FRY: variants seen among roughly 807,000 people sequenced by gnomAD.
The protein encoded by FRY is protein furry homolog.
A neutral mutation model predicts 348.4 loss-of-function variants in FRY; 128 were observed. The observed-to-expected ratio is 0.37, with a 90% CI of 0.32 to 0.43. The LOEUF (loss-of-function observed/expected upper bound fraction) is 0.43. FRY is among the 20% of genes least tolerant of loss of function. The probability of loss-of-function intolerance (pLI) is 1.00; values close to 1 mark genes in which losing one functional copy is unlikely to be tolerated. For synonymous variants in FRY, 1,370 were observed against 1,374.7 expected, an observed-to-expected ratio of 1.00 and a Z score of 0.08; for missense variants, 2,736 against 3,695.2, an observed-to-expected ratio of 0.74 and a Z score of 6.73.
chr13:32,079,795 A>G (rs1006867793), intron 2 of FRY, among the ~76,000 whole-genome samples: 2 of 152,218 alleles, frequency 1.3e-5, no homozygotes, highest in African/African-American at 2.4e-5. Flanking sequence ...GCAGGGCCAC[A>G]CACCATAAAA....
At chr13:32,222,848 ATTG>A (rs967773832) in intron 36 of FRY, among the ~76,000 whole-genome samples, 3 of 152,146 alleles carry the variant, frequency 2.0e-5, no homozygotes, top group Non-Finnish European at 2.9e-5. Flanking sequence ...GATTTTTATT[ATTG>A]TTGTTATCGT....
chr13:32,233,428 GAGCTTTA>G (rs1359391380), intron 41 of FRY, among the ~76,000 whole-genome samples: 1 of 152,208 alleles, frequency 6.6e-6, no homozygotes, highest in East Asian at 1.9e-4. Context: ...ATTCAGTCAT[GAGCTTTA>G]TCTTACATTT....
At chr13:32,201,242 C>A (rs1428045325) in intron 29 of FRY, among the ~76,000 whole-genome samples, 1 of 152,212 alleles carries the variant, frequency 6.6e-6, no homozygotes, top group Non-Finnish European at 1.5e-5. Flanking sequence ...CACTCCTGTA[C>A]TACCCCTTCC....
At chr13:32,136,133 G>A (rs746190687) in intron 10 of FRY, among the ~76,000 whole-genome samples, 1 of 151,998 alleles carries the variant, frequency 6.6e-6, no homozygotes, top group African/African-American at 2.4e-5. Context: ...TTTATTTCAT[G>A]GCCCTTGATT....
intron 28 of FRY, among the ~76,000 whole-genome samples, chr13:32,192,783 G>A (rs1883426393): frequency 8.5e-6 from 1 of 118,038 alleles, no homozygotes. Flanking sequence ...TCACTCCATT[G>A]CCCCAGCTGG....
intron 8 of FRY, among the ~76,000 whole-genome samples, chr13:32,132,850 T>C (rs1435395546): frequency 4.6e-5 from 7 of 152,248 alleles, no homozygotes; most frequent in African/African-American, 1.7e-4. Flanking sequence ...GGAATATTAT[T>C]TGGCCATAAA....
intron 26 of FRY, 114 bp downstream of exon 26, chr13:32,185,262 G>A: frequency 2.3e-6 from 2 of 878,944 alleles, no homozygotes; most frequent in Admixed American, 1.8e-5. Context: ...CTGGGATGGT[G>A]AAGTTTATTT....
chr13:32,113,925 A>G (rs908252160), intron 3 of FRY, among the ~76,000 whole-genome samples: 1 of 152,230 alleles, frequency 6.6e-6, no homozygotes, highest in Admixed American at 6.5e-5. Context: ...GTGTTTTGCC[A>G]TGGAAAGTAT....
rs969045957 is a variant in FRY at position 32,237,139 on chromosome 13, A to G, written c.5811-240A>G. On this transcript the variant is annotated intron_variant, in intron 43 of 60. Transcript: ENST00000542859. This position sits in a 1 kb window ranked among gnomAD's most constrained non-coding sequence, Gnocchi z 6.3. ...GAAATATCAGTAAACTTTAAGGCCAATTATTGATTCCTCTACATTTTCAAG... is the reference window on the plus strand; with the variant it reads ...GAAATATCAGTAAACTTTAAGGCCAGTTATTGATTCCTCTACATTTTCAAG... Among the ~76,000 whole-genome samples, 12 of 152,312 alleles carry G rather than the reference A, an allele frequency of 7.9e-5. No homozygotes were observed. The highest frequency in any genetic ancestry group is 2.1e-4 in the South Asian group (1 of 4,830).
intron 1 of FRY, among the ~76,000 whole-genome samples, chr13:32,047,760 A>G (rs1873106263): frequency 6.6e-6 from 1 of 151,930 alleles, no homozygotes; most frequent in Non-Finnish European, 1.5e-5. Flanking sequence ...TTTAGTAGAA[A>G]CAGGATTTCA....
chr13:32,047,825 G>A (rs894998908), intron 1 of FRY, among the ~76,000 whole-genome samples: 2 of 152,080 alleles, frequency 1.3e-5, no homozygotes, highest in South Asian at 2.1e-4. Context: ...TGCCTGCTTC[G>A]GCCTCCGAAA....
rs1441658398 is a variant in FRY, at chr13:32,231,210, A to G, written c.5437A>G (p.Ile1813Val). The change falls in exon 41 of 61, where the codon ATC becomes GTC. Residue 1813 changes from isoleucine (I) to valine (V), a missense_variant. Transcript: ENST00000542859. Reference protein sequence around the residue: ...AFGPLWCHEDITPKNQNSKSA... With the variant: ...AFGPLWCHEDVTPKNQNSKSA... ...TGGTCCACTTTGGTGCCATGAAGAC[A>G]TCACACCTAAAAATCAAAATTCAAA... is the stretch of plus-strand genomic sequence containing the variant. 1.2e-6 allele frequency: 2 copies of G among 1,613,234 alleles called. No homozygotes were observed. The highest frequency in any genetic ancestry group is 2.2e-5 in the East Asian group (1 of 44,886).
chr13:32,036,798 G>C (rs1872534599), intron 1 of FRY, among the ~76,000 whole-genome samples: 1 of 151,812 alleles, frequency 6.6e-6, no homozygotes, highest in Admixed American at 6.6e-5. Context: ...TCAAAGCCAG[G>C]ATGGTAGTAA....
Position 32,094,605 on chromosome 13 carries a change from A to G in FRY, c.271-7358A>G, listed in dbSNP as rs113980357. ...CTTTAGATCCCACAAATAAGTGAGA[A>G]CATGCAATGTTTATCTTTCTGTGCT... On this transcript the variant is annotated intron_variant, in intron 2 of 60. Coordinates refer to ENST00000542859, the MANE Select transcript of FRY (RefSeq NM_023037.3). Among the ~76,000 whole-genome samples, 1,272 of 152,276 alleles carry G rather than the reference A, an allele frequency of 8.4e-3. 10 individuals are homozygous for G. The highest frequency in any genetic ancestry group is 0.029 in the African/African-American group (1,223 of 41,540).
chr13:32,061,382 G>T (rs576451919), intron 1 of FRY, among the ~76,000 whole-genome samples: 10 of 152,216 alleles, frequency 6.6e-5, no homozygotes, highest in Admixed American at 2.0e-4. Flanking sequence ...TGTCCTTTTT[G>T]TATACGAGCC....
intron 3 of FRY, among the ~76,000 whole-genome samples, chr13:32,107,846 A>G (rs1006282203): frequency 2.8e-4 from 42 of 152,204 alleles, no homozygotes; most frequent in Non-Finnish European, 1.5e-5. Context: ...TGCTAGTGAT[A>G]AAGTCATACC....
chr13:32,135,342 G>A (rs1879642908), intron 10 of FRY, among the ~76,000 whole-genome samples, 159 bp downstream of exon 10: 1 of 152,186 alleles, frequency 6.6e-6, no homozygotes, highest in South Asian at 2.1e-4. Flanking sequence ...CTGGCTTTTT[G>A]TATTGACCAT....
At chr13:32,270,629 T>C (rs1888155373) in intron 55 of FRY, among the ~76,000 whole-genome samples, 1 of 152,236 alleles carries the variant, frequency 6.6e-6, no homozygotes, top group Non-Finnish European at 1.5e-5. Context: ...ATACTTTCTC[T>C]CTGCCTAGAA....
intron 22 of FRY, 132 bp from the exon 23 acceptor site, chr13:32,179,543 T>TGTGTGTGTGTGTGTG: frequency 1.2e-5 from 4 of 332,670 alleles, no homozygotes; most frequent in African/African-American, 5.1e-5. Flanking sequence ...GTGTGTGTGT[T>TGTGTGTGTGTGTGTG]TCCTGAAATG....
Sources: gnomAD v4.1 joint callset for allele counts (sites outside exome capture counted in the v4.1 genomes callset) on GRCh38, gnomAD v4.1.1 for gene constraint, Gnocchi (gnomAD v3.1) non-coding constraint, MANE v1.5 for transcripts, NCBI Gene and HGNC (gene_info 2026-07-23, HGNC 2026-07-21) for gene names.